Variants in PKM observed in about 807,000 individuals in gnomAD.
PKM encodes the protein pyruvate kinase PKM.
A neutral mutation model predicts 49.8 loss-of-function variants in PKM; 18 were observed. The ratio of observed to expected loss-of-function variants is 0.36; its 90% CI spans 0.25 to 0.54. The LOEUF (loss-of-function observed/expected upper bound fraction) is 0.54. Ranked by LOEUF, PKM falls within the 20% of genes least tolerant of loss-of-function variation. The pLI is 0.89. For missense variants in PKM, 508 were observed against 713.8 expected (o/e 0.71, Z 3.28); for synonymous variants, 239 against 261.8 (o/e 0.91, Z 0.84).
chr15:72,204,808 T>C (rs192892681), intron 8 of PKM, among the ~76,000 whole-genome samples: 1 of 152,366 alleles, frequency 6.6e-6, no homozygotes, highest in East Asian at 1.9e-4. Context: ...TGGTTCAGTA[T>C]ATCTAAGTCA....
In PKM at chr15:72,202,980, G is replaced by A. The variant is rs909532922; in HGVS notation, c.1141-360C>T. On this transcript the variant is annotated intron_variant, in intron 8 of 10. Coordinates refer to ENST00000335181, the MANE Select transcript of PKM (RefSeq NM_002654.6). The surrounding 1 kb of genome is among the most constrained non-coding windows in gnomAD (Gnocchi z 4.5). Reference sequence around the variant, plus strand: ...TTCTCCTAGAGCAGGTGGAGCAAGAGGCTGGTTATCCTAACAGTGTTACCT... The same window carrying A: ...TTCTCCTAGAGCAGGTGGAGCAAGAAGCTGGTTATCCTAACAGTGTTACCT... 32 of 1,593,976 alleles carry A rather than the reference G, an allele frequency of 2.0e-5. No homozygotes were observed. The highest frequency in any genetic ancestry group is 1.7e-4 in the Admixed American group (10 of 59,980).
chr15:72,214,215 C>T (rs941619705), intron 3 of PKM, among the ~76,000 whole-genome samples: 2 of 152,146 alleles, frequency 1.3e-5, no homozygotes, highest in Non-Finnish European at 2.9e-5. Flanking sequence ...ATAATTTCTA[C>T]TTTATGAAAC....
chr15:72,219,041 G>A lies in PKM; in HGVS notation c.57C>T (p.His19=), dbSNP rs774838196. The change falls in exon 2 of 11, where the codon CAC becomes CAT. Residue 19 remains histidine, a synonymous_variant. Coordinates refer to ENST00000335181, the MANE Select transcript of PKM (RefSeq NM_002654.6). ...CCAGGAATGTGTCAGCCATGGCTGCGTGCAGCTGCTGGGTCTGAATGAAGG... is the reference window on the plus strand; with the variant it reads ...CCAGGAATGTGTCAGCCATGGCTGCATGCAGCTGCTGGGTCTGAATGAAGG... ...GTAFIQTQQL[H]AAMADTFLEH... is the part of the protein sequence containing the mutation. 39 of 1,614,024 alleles carry A rather than the reference G, an allele frequency of 2.4e-5. No homozygotes were observed. The highest frequency in any genetic ancestry group is 1.3e-5 in the Non-Finnish European group (15 of 1,179,998).
intron 1 of PKM, among the ~76,000 whole-genome samples, chr15:72,230,533 A>C (rs2082830393): frequency 6.6e-6 from 1 of 152,080 alleles, no homozygotes; most frequent in Non-Finnish European, 1.5e-5. Flanking sequence ...GGACGTGACC[A>C]GCAAGCAGGG....
intron 1 of PKM, among the ~76,000 whole-genome samples, chr15:72,228,376 CTTTTT>C (rs10656443): frequency 4.0e-4 from 48 of 118,860 alleles, no homozygotes; most frequent in African/African-American, 1.5e-3. Flanking sequence ...TTAGTTGTGG[CTTTTT>C]TTTTTTTTTT....
intron 1 of PKM, among the ~76,000 whole-genome samples, chr15:72,230,255 G>C (rs1212730272): frequency 6.6e-6 from 1 of 152,192 alleles, no homozygotes; most frequent in South Asian, 2.1e-4. Context: ...CCTCCCGGCA[G>C]CGGGGCAGGC....
Position 72,207,156 on chromosome 15 carries a change from C to A in PKM, c.958G>T (p.Ala320Ser). 14 of 1,614,008 alleles carry A rather than the reference C, an allele frequency of 8.7e-6. No individual in the cohort carries two copies. Among genetic ancestry groups the A allele is most frequent in the Non-Finnish European group, 1.2e-5 (14 of 1,180,026 alleles). The part of the protein sequence containing the change: ...QKMMIGRCNR[A>S]GKPVICATQM... ...GTAGCACAGATGACAGGCTTCCCAGCTCGGTTGCACCGTCCAATCATCATC... is the reference window on the plus strand; with the variant it reads ...GTAGCACAGATGACAGGCTTCCCAGATCGGTTGCACCGTCCAATCATCATC... The change falls in exon 7 of 11, where the codon GCT (alanine) becomes TCT (serine). Residue 320 changes from alanine (A) to serine (S), a missense_variant. Physicochemically the swap from Ala to Ser is moderately conservative, Grantham distance 99. Coordinates refer to ENST00000335181, the MANE Select transcript of PKM (RefSeq NM_002654.6).
At position 72,200,719 on chromosome 15, in the gene PKM, G is replaced by A. The variant is rs1430309179; in HGVS notation, c.1308-64C>T. 7 of 1,445,008 alleles carry A rather than the reference G, an allele frequency of 4.8e-6. No individual in the cohort carries two copies. The highest frequency in any genetic ancestry group is 5.7e-6 in the Non-Finnish European group (6 of 1,044,390). 89.5% of individuals were successfully genotyped at this position (1,445,008 alleles called of 1,614,324 possible). A position where few individuals can be genotyped will look rare whatever the true frequency, so the allele number is the denominator to read the frequency against. On this transcript the variant is annotated intron_variant, in intron 9 of 10. Transcript: ENST00000335181. This position sits in a 1 kb window ranked among gnomAD's most constrained non-coding sequence, Gnocchi z 4.6. ...ACGAGGCCCCAGGAAGTACCCTCAGGGCGTTCAAACAGCTCACCCTCTCAT... is the reference window on the plus strand; with the variant it reads ...ACGAGGCCCCAGGAAGTACCCTCAGAGCGTTCAAACAGCTCACCCTCTCAT...
intron 1 of PKM, among the ~76,000 whole-genome samples, chr15:72,221,875 G>C (rs934701855): frequency 7.0e-6 from 1 of 143,808 alleles, no homozygotes; most frequent in Admixed American, 7.1e-5. Context: ...CTGCAGAACA[G>C]TTTCAACGGC....
intron 3 of PKM, 126 bp from the exon 4 acceptor site, chr15:72,210,604 T>C (rs896251940): frequency 5.8e-6 from 6 of 1,028,060 alleles, no homozygotes; most frequent in Non-Finnish European, 7.4e-6. Flanking sequence ...TCTATCTCCA[T>C]CCTCAGCACG....
chr15:72,217,918 T>C (rs1244064115), intron 2 of PKM, among the ~76,000 whole-genome samples: 7 of 152,194 alleles, frequency 4.6e-5, no homozygotes, highest in Non-Finnish European at 1.0e-4. Flanking sequence ...ACCTAAACCA[T>C]ATGGATTCTT....
intron 1 of PKM, among the ~76,000 whole-genome samples, chr15:72,228,228 G>A (rs2082737712): frequency 6.6e-6 from 1 of 152,174 alleles, no homozygotes; most frequent in Non-Finnish European, 1.5e-5. Context: ...TCCCAGGAGA[G>A]GCGGCTGTGC....
intron 1 of PKM, among the ~76,000 whole-genome samples, chr15:72,221,992 CCAGCAAACTAGTTT>C (rs1567129162): frequency 6.6e-6 from 1 of 151,456 alleles, no homozygotes; most frequent in Non-Finnish European, 1.5e-5. Flanking sequence ...ATGCCCAAAT[CCAGCAAACTAGTTT>C]GTTCTCAAGC....
At chr15:72,212,458 G>A (rs1019083600) in intron 3 of PKM, among the ~76,000 whole-genome samples, 1 of 149,872 alleles carries the variant, frequency 6.7e-6, no homozygotes, top group Non-Finnish European at 1.5e-5. Flanking sequence ...CTGGGCGACA[G>A]ACAGAGTGAG....
chr15:72,209,720 T>C lies in PKM; in HGVS notation c.518A>G (p.Lys173Arg). ...AATAAGCCCATCATCCACGTAGATC[T>C]TGCTGCCCACTTCCACCACCTTGCA... is the stretch of plus-strand genomic sequence containing the variant. ...NICKVVEVGSKIYVDDGLISL... is the reference protein window; with the variant it reads ...NICKVVEVGSRIYVDDGLISL... Residue 173 changes from lysine to arginine, a missense_variant, in exon 5 of 11, where the codon AAG (lysine) becomes AGG (arginine). Coordinates refer to ENST00000335181, the MANE Select transcript of PKM (RefSeq NM_002654.6). 2 of 1,614,078 alleles carry C rather than the reference T, an allele frequency of 1.2e-6. No individual in the cohort carries two copies. Among genetic ancestry groups the C allele is most frequent in the Non-Finnish European group, 1.7e-6 (2 of 1,180,012 alleles).
At chr15:72,221,250 A>C in intron 1 of PKM, 1 of 1,535,492 alleles carries the variant, frequency 6.5e-7, no homozygotes, top group Non-Finnish European at 8.7e-7. Flanking sequence ...ACTAGCAAAG[A>C]CCGCTCAGAG....
At chr15:72,218,518 C>A (rs1011080797) in intron 2 of PKM, among the ~76,000 whole-genome samples, 2 of 151,972 alleles carry the variant, frequency 1.3e-5, no homozygotes, top group Non-Finnish European at 2.9e-5. Context: ...ATCTCCTGGA[C>A]TCAAGTGATC....
intron 3 of PKM, among the ~76,000 whole-genome samples, chr15:72,213,432 T>C (rs1472723640): frequency 6.6e-6 from 1 of 152,210 alleles, no homozygotes; most frequent in Non-Finnish European, 1.5e-5. Context: ...TGGACTTAAG[T>C]GTTCTGAGGT....
chr15:72,207,083 A>T lies in PKM; in HGVS notation c.987+44T>A, dbSNP rs527340947. On this transcript the variant is annotated intron_variant, in intron 7 of 10. Coordinates refer to ENST00000335181, the MANE Select transcript of PKM (RefSeq NM_002654.6). Reference sequence around the variant, plus strand: ...GCCTCCAGAGCTTTCCCATACAAACATGCGAGTGTGCACATGAGAATGTGG... The same window carrying T: ...GCCTCCAGAGCTTTCCCATACAAACTTGCGAGTGTGCACATGAGAATGTGG... 5.0e-6 allele frequency: 8 copies of T among 1,609,276 alleles called. No homozygotes were observed. The South Asian group carries it at 8.8e-5, about 18-fold the overall frequency.
Sources: gnomAD v4.1 joint callset for allele counts (sites outside exome capture counted in the v4.1 genomes callset) on GRCh38, gnomAD v4.1.1 for gene constraint, Gnocchi (gnomAD v3.1) non-coding constraint, MANE v1.5 for transcripts, NCBI Gene and HGNC (gene_info 2026-07-23, HGNC 2026-07-21) for gene names.